FHIP1A: variants seen among roughly 807,000 people sequenced by gnomAD.
FHIP1A encodes FHF complex subunit HOOK-interacting protein 1A.
In FHIP1A, 61 loss-of-function variants were observed where a neutral mutation model predicts 88.6. That is an observed-to-expected ratio of 0.69 (90% CI 0.56 to 0.85). FHIP1A has a LOEUF of 0.85. FHIP1A is among the 40% of genes least tolerant of loss of function. The pLI, the probability that FHIP1A is intolerant of heterozygous loss-of-function variation, is 0.00. For missense variants in FHIP1A, 1,154 were observed against 1,273.5 expected (o/e 0.91, Z 1.43); for synonymous variants, 478 against 496.0 (o/e 0.96, Z 0.48).
At chr4:151,647,256 G>A (rs1736833574) in intron 10 of FHIP1A, among the ~76,000 whole-genome samples, 1 of 152,192 alleles carries the variant, frequency 6.6e-6, no homozygotes, top group Admixed American at 6.5e-5. Flanking sequence ...CAGGGGTTAT[G>A]ATACTTGGTG....
At chr4:151,530,456 T>A (rs1286372327) in intron 3 of FHIP1A, among the ~76,000 whole-genome samples, 5 of 152,222 alleles carry the variant, frequency 3.3e-5, no homozygotes, top group Non-Finnish European at 7.3e-5. Flanking sequence ...GATGAATCAC[T>A]CTTTCCTCAT....
rs1737820477 is a variant in FHIP1A, at chr4:151,670,357, A to G, written c.*7603A>G. ...CAAAACAAGTCAATTTCATGTTACA[A>G]CTTTTTTCTTGTTTCTTTTTATCTT... On this transcript the variant is annotated 3_prime_UTR_variant, in exon 14 of 14. Transcript: ENST00000435205. 1 of 152,080 alleles carries G rather than the reference A, an allele frequency of 6.6e-6. No homozygotes were observed. Among genetic ancestry groups the G allele is most frequent in the East Asian group, 1.9e-4 (1 of 5,198 alleles). 9.4% of individuals were successfully genotyped at this position (152,080 alleles called of 1,614,324 possible). A position where few individuals can be genotyped will look rare whatever the true frequency, so the allele number is the denominator to read the frequency against.
chr4:151,461,584 G>A (rs1031402118), intron 2 of FHIP1A, among the ~76,000 whole-genome samples: 5 of 152,022 alleles, frequency 3.3e-5, no homozygotes, highest in Non-Finnish European at 7.4e-5. Context: ...TCAAAACATC[G>A]CTAGGTACCC....
chr4:151,538,593 GCTCTCTAGT>G (rs1243314093), intron 3 of FHIP1A, among the ~76,000 whole-genome samples: 4 of 152,166 alleles, frequency 2.6e-5, no homozygotes, highest in African/African-American at 9.7e-5. Flanking sequence ...TGGTAAGTGA[GCTCTCTAGT>G]CTTTCTTTAG....
At chr4:151,528,731 A>G (rs1276334194) in intron 3 of FHIP1A, among the ~76,000 whole-genome samples, 1 of 152,090 alleles carries the variant, frequency 6.6e-6, no homozygotes, top group Non-Finnish European at 1.5e-5. Context: ...AGGGTGTTGA[A>G]TAGTCTTTCT....
intron 1 of FHIP1A, among the ~76,000 whole-genome samples, chr4:151,411,464 C>G (rs1035569751): frequency 2.0e-5 from 3 of 151,404 alleles, no homozygotes; most frequent in African/African-American, 7.3e-5. Context: ...GTCCTCCCAC[C>G]TTAGCCTCCT....
chr4:151,665,086 C>T lies in FHIP1A; in HGVS notation c.*2332C>T, dbSNP rs543657841. 4.4e-4 allele frequency among the ~76,000 whole-genome samples: 67 copies of T among 152,268 alleles called. No homozygotes were observed. Among genetic ancestry groups the T allele is most frequent in the Admixed American group, 4.2e-3 (65 of 15,300 alleles). ...ACCTCCTGGGCTCAAGTGATCCTCCCACCTCAGCCTTCCGAGTAGCTGGGA... is the reference window on the plus strand; with the variant it reads ...ACCTCCTGGGCTCAAGTGATCCTCCTACCTCAGCCTTCCGAGTAGCTGGGA... On this transcript the variant is annotated 3_prime_UTR_variant, in exon 14 of 14. Coordinates refer to ENST00000435205, the MANE Select transcript of FHIP1A (RefSeq NM_001109977.3).
intron 3 of FHIP1A, among the ~76,000 whole-genome samples, chr4:151,556,886 C>T (rs1353584504): frequency 6.6e-6 from 1 of 152,090 alleles, no homozygotes; most frequent in Non-Finnish European, 1.5e-5. Flanking sequence ...TACATCCTGA[C>T]CCCAAGTGCC....
intron 3 of FHIP1A, among the ~76,000 whole-genome samples, chr4:151,521,909 G>C (rs1335722399): frequency 6.6e-6 from 1 of 151,908 alleles, no homozygotes; most frequent in Non-Finnish European, 1.5e-5. Context: ...AATTTTTTGT[G>C]GAGATGGGGT....
chr4:151,526,333 GC>G (rs1489775621), intron 3 of FHIP1A, among the ~76,000 whole-genome samples: 2 of 151,998 alleles, frequency 1.3e-5, no homozygotes, highest in African/African-American at 4.8e-5. Flanking sequence ...AGTAGGGGCG[GC>G]CGGGCAGAGG....
intron 2 of FHIP1A, among the ~76,000 whole-genome samples, chr4:151,478,718 A>T (rs1729796688): frequency 6.6e-6 from 1 of 152,168 alleles, no homozygotes; most frequent in Admixed American, 6.5e-5. Flanking sequence ...TTCAAGAAGA[A>T]CATTTAGAAT....
intron 8 of FHIP1A, among the ~76,000 whole-genome samples, chr4:151,631,651 CTT>C (rs1282202759): frequency 6.6e-6 from 1 of 152,092 alleles, no homozygotes; most frequent in Admixed American, 6.6e-5. Context: ...ACTTCAGAAA[CTT>C]TGTAAGAACA....
intron 4 of FHIP1A, among the ~76,000 whole-genome samples, chr4:151,574,740 A>T (rs1203953319): frequency 6.6e-6 from 1 of 152,170 alleles, no homozygotes; most frequent in African/African-American, 2.4e-5. Flanking sequence ...TCTCATTTAT[A>T]TCTCTTTAGA....
Position 151,566,293 on chromosome 4 carries a change from C to G in FHIP1A, c.34C>G (p.Gln12Glu), listed in dbSNP as rs1000924069. ...MSSVSTESKL[Q>E]QAVSLQGVDP... ...ATCGGTTTCGACAGAAAGCAAACTC[C>G]AGCAGGCTGTGAGCCTACAGGGAGT... The change falls in exon 4 of 14, where the codon CAG becomes GAG. Residue 12 changes from glutamine (Q) to glutamate (E), a missense_variant. By Grantham distance (29) the Gln-to-Glu change is conservative. Coordinates refer to ENST00000435205, the MANE Select transcript of FHIP1A (RefSeq NM_001109977.3). 2.2e-5 allele frequency: 34 copies of G among 1,550,610 alleles called. No individual in the cohort carries two copies. The highest frequency in any genetic ancestry group is 3.0e-5 in the Non-Finnish European group (34 of 1,146,288).
At chr4:151,582,081 C>T (rs1343929246) in intron 5 of FHIP1A, among the ~76,000 whole-genome samples, 2 of 152,022 alleles carry the variant, frequency 1.3e-5, no homozygotes, top group African/African-American at 4.8e-5. Flanking sequence ...ATGTAGAAAA[C>T]AGTGTGTACA....
At chr4:151,490,160 C>T (rs888845669) in intron 3 of FHIP1A, among the ~76,000 whole-genome samples, 4 of 152,214 alleles carry the variant, frequency 2.6e-5, no homozygotes, top group African/African-American at 9.6e-5. Flanking sequence ...GGTCGTGAGT[C>T]TGTCTGTGTG....
intron 3 of FHIP1A, among the ~76,000 whole-genome samples, chr4:151,544,586 A>G (rs1370375556): frequency 6.6e-6 from 1 of 152,174 alleles, no homozygotes; most frequent in Non-Finnish European, 1.5e-5. Flanking sequence ...TGTCCCTCAC[A>G]GACCGAGACC....
rs1421962208 is a variant in FHIP1A at position 151,668,994 on chromosome 4, C to T, written c.*6240C>T. On this transcript the variant is annotated 3_prime_UTR_variant, in exon 14 of 14. Coordinates refer to ENST00000435205, the MANE Select transcript of FHIP1A (RefSeq NM_001109977.3). The stretch of plus-strand genomic sequence containing the variant: ...GCATCACCTGTGGTGCCAACTCATA[C>T]ATTTTAATGAGATTTCTCCCTGAAG... Among the ~76,000 whole-genome samples the T allele has an allele frequency of 6.6e-6, 1 of 152,228 alleles. No homozygotes were observed.
chr4:151,495,072 C>T (rs1055386040), intron 3 of FHIP1A, among the ~76,000 whole-genome samples: 14 of 152,064 alleles, frequency 9.2e-5, no homozygotes, highest in African/African-American at 2.7e-4. Flanking sequence ...GATTTAGGGG[C>T]TTTTGGGCAG....
Sources: gnomAD v4.1 joint callset for allele counts (sites outside exome capture counted in the v4.1 genomes callset) on GRCh38, gnomAD v4.1.1 for gene constraint, MANE v1.5 for transcripts, NCBI Gene and HGNC (gene_info 2026-07-23, HGNC 2026-07-21) for gene names.